ACYP2: variants seen among roughly 807,000 people sequenced by gnomAD.
ACYP2 encodes the protein acylphosphatase-2.
Under a neutral mutation model 11.2 loss-of-function variants are expected in ACYP2, and 12 were observed. That is an observed-to-expected ratio of 1.08 (90% CI 0.69 to 1.74). The LOEUF (loss-of-function observed/expected upper bound fraction) is 1.74, where lower values mean the gene tolerates loss of function less well. Ranked by LOEUF, ACYP2 falls within the 40% of genes most tolerant of loss-of-function variation. The pLI is 0.00. For synonymous variants in ACYP2, 43 were observed against 32.2 expected (o/e 1.33, Z -1.13); for missense variants, 134 against 101.9 (o/e 1.31, Z -1.35).
At chr2:54,035,506 C>G (rs1225575521) in intron 2 of ACYP2, among the ~76,000 whole-genome samples, 1 of 152,046 alleles carries the variant, frequency 6.6e-6, no homozygotes, top group Non-Finnish European at 1.5e-5. Flanking sequence ...ACCTTGTGAT[C>G]CACCCGCCTC....
At chr2:54,257,382 A>G (rs1217851142) in intron 6 of ACYP2, among the ~76,000 whole-genome samples, 1 of 152,178 alleles carries the variant, frequency 6.6e-6, no homozygotes, top group Non-Finnish European at 1.5e-5. Context: ...TTCCCCATGC[A>G]TAGGTTTTTA....
chr2:54,247,113 T>G (rs776541687), intron 6 of ACYP2, among the ~76,000 whole-genome samples: 2 of 152,150 alleles, frequency 1.3e-5, no homozygotes, highest in Non-Finnish European at 1.5e-5. Context: ...TATAGCAGCG[T>G]TTTTTGGGGT....
chr2:53,975,054 G>A (rs913846669), intron 2 of ACYP2, among the ~76,000 whole-genome samples: 8 of 151,998 alleles, frequency 5.3e-5, no homozygotes, highest in African/African-American at 1.2e-4. Context: ...GTGACACCCC[G>A]TCTCTACTAA....
intron 4 of ACYP2, among the ~76,000 whole-genome samples, chr2:54,085,826 CT>C (rs1677916542): frequency 6.6e-6 from 1 of 151,984 alleles, no homozygotes; most frequent in Admixed American, 6.6e-5. Context: ...ATTCTTTCAA[CT>C]TTTTTGAAGG....
At chr2:54,036,525 G>C (rs575047758) in intron 2 of ACYP2, among the ~76,000 whole-genome samples, 2 of 152,258 alleles carry the variant, frequency 1.3e-5, no homozygotes, top group African/African-American at 4.8e-5. Flanking sequence ...TCTTACTACT[G>C]AGCAGGATTC....
chr2:54,290,007 C>T (rs1689231320), intron 6 of ACYP2, among the ~76,000 whole-genome samples: 1 of 152,064 alleles, frequency 6.6e-6, no homozygotes, highest in South Asian at 2.1e-4. Flanking sequence ...ATCTGTTCTT[C>T]TAGCGGTTCT....
At chr2:54,024,254 T>C (rs1674158688) in intron 2 of ACYP2, among the ~76,000 whole-genome samples, 1 of 152,030 alleles carries the variant, frequency 6.6e-6, no homozygotes, top group Non-Finnish European at 1.5e-5. Context: ...TAGTCCCACC[T>C]ACTCAGGAGG....
At chr2:54,173,987 T>A (rs1208004642) in intron 6 of ACYP2, among the ~76,000 whole-genome samples, 1 of 152,208 alleles carries the variant, frequency 6.6e-6, no homozygotes, top group African/African-American at 2.4e-5. Flanking sequence ...CTTTGTTCTT[T>A]TGGCTTAGGA....
intron 6 of ACYP2, among the ~76,000 whole-genome samples, chr2:54,148,540 A>C (rs112410713): frequency 8.4e-4 from 128 of 152,286 alleles, no homozygotes; most frequent in African/African-American, 2.8e-3. Context: ...GGCAGTTGGA[A>C]TGATCAGGTG....
chr2:54,192,291 G>T (rs184287936), intron 6 of ACYP2, among the ~76,000 whole-genome samples: 10 of 152,096 alleles, frequency 6.6e-5, no homozygotes, highest in Admixed American at 5.2e-4. Flanking sequence ...TTAATTAAAT[G>T]CTCTAGATAG....
chr2:53,999,494 A>C (rs188398119), intron 2 of ACYP2, among the ~76,000 whole-genome samples: 43 of 152,250 alleles, frequency 2.8e-4, no homozygotes, highest in Admixed American at 2.6e-3. Context: ...AACCAAGGGA[A>C]TTGTGGGAAG....
intron 4 of ACYP2, among the ~76,000 whole-genome samples, chr2:54,074,624 CTG>C (rs1677232816): frequency 1.4e-5 from 2 of 140,268 alleles, no homozygotes; most frequent in African/African-American, 2.9e-5. Flanking sequence ...GTGTGTGTAA[CTG>C]TATTAGACAG....
chr2:54,102,099 A>C (rs1011976791), intron 4 of ACYP2, among the ~76,000 whole-genome samples: 1 of 152,198 alleles, frequency 6.6e-6, no homozygotes, highest in African/African-American at 2.4e-5. Context: ...CCTCAAATGT[A>C]TATAATTTTT....
chr2:54,107,022 A>C (rs1053545977), intron 4 of ACYP2, among the ~76,000 whole-genome samples: 4 of 152,186 alleles, frequency 2.6e-5, no homozygotes, highest in Non-Finnish European at 4.4e-5. Flanking sequence ...ATGCACCTAA[A>C]AGTATTTTAG....
chr2:54,290,093 G>C (rs1165561304), intron 6 of ACYP2, among the ~76,000 whole-genome samples: 1 of 152,062 alleles, frequency 6.6e-6, no homozygotes, highest in Non-Finnish European at 1.5e-5. Flanking sequence ...GCATCAGGCT[G>C]TCAGGGCTTC....
chr2:54,092,198 T>C (rs1055439669), intron 4 of ACYP2, among the ~76,000 whole-genome samples: 1 of 152,124 alleles, frequency 6.6e-6, no homozygotes, highest in African/African-American at 2.4e-5. Context: ...TTTGCAGTGC[T>C]GGGGAACAAT....
chr2:54,285,537 C>A (rs1689044879), intron 6 of ACYP2, among the ~76,000 whole-genome samples: 1 of 152,220 alleles, frequency 6.6e-6, no homozygotes, highest in African/African-American at 2.4e-5. Flanking sequence ...CTCATGCTTA[C>A]TGTGTCCAAA....
At chr2:54,029,675 A>C in intron 2 of ACYP2, 1 of 471,950 alleles carries the variant, frequency 2.1e-6, no homozygotes, top group South Asian at 1.8e-5. Flanking sequence ...TAGAGTGCTT[A>C]AAGTGCTTAA....
Position 54,219,986 on chromosome 2 carries a change from C to T in ACYP2, c.404+81238C>T, listed in dbSNP as rs562390005. Among the ~76,000 whole-genome samples the T allele has an allele frequency of 1.7e-4, 25 of 148,804 alleles. No homozygotes were observed. In the East Asian group the frequency reaches 3.3e-3, roughly 20 times the overall value. ...CCAACTCCTGACCTCAGGTGCTCCA[C>T]TCATCTCAGCCTCCCAAAGTGCGGG... is the stretch of plus-strand genomic sequence containing the variant. On this transcript the variant is annotated intron_variant, in intron 6 of 6. Transcript: ENST00000607452.
Sources: allele counts gnomAD v4.1 joint callset (sites outside exome capture counted in the v4.1 genomes callset), GRCh38; gene constraint gnomAD v4.1.1; transcripts MANE v1.5; gene names NCBI Gene and HGNC (gene_info 2026-07-23, HGNC 2026-07-21).